Variants in ADAM32 observed in about 807,000 individuals in gnomAD.
ADAM32 encodes the protein ADAM metallopeptidase domain 32, also known as disintegrin and metalloproteinase domain-containing protein 32.
A neutral mutation model predicts 114.9 loss-of-function variants in ADAM32; 89 were observed. That is an observed-to-expected ratio of 0.77 (90% confidence interval 0.65 to 0.92). ADAM32 has a LOEUF of 0.92. ADAM32 is among the 40% of genes least tolerant of loss of function. The pLI is 0.00. For missense variants in ADAM32, 870 were observed against 932.8 expected (o/e 0.93, Z 0.88); for synonymous variants, 285 against 307.5 (o/e 0.93, Z 0.77).
At chr8:39,178,327 C>A (rs1013992051) in intron 10 of ADAM32, among the ~76,000 whole-genome samples, 15 of 152,126 alleles carry the variant, frequency 9.9e-5, no homozygotes, top group African/African-American at 3.6e-4. Context: ...CTTGTGATTG[C>A]ATTGTGAATT....
intron 6 of ADAM32, among the ~76,000 whole-genome samples, chr8:39,152,847 G>A (rs1381393776): frequency 6.6e-6 from 1 of 152,136 alleles, no homozygotes; most frequent in Non-Finnish European, 1.5e-5. Context: ...GTAGGGCCAT[G>A]TGACAAAATT....
At chr8:39,277,318 G>C (rs902896676) in intron 22 of ADAM32, among the ~76,000 whole-genome samples, 1 of 152,224 alleles carries the variant, frequency 6.6e-6, no homozygotes, top group African/African-American at 2.4e-5. Context: ...CCGTGCACCA[G>C]GGAATCATTT....
chr8:39,246,804 T>C lies in ADAM32; in HGVS notation c.1902+638T>C, dbSNP rs117885898. On this transcript the variant is annotated intron_variant, in intron 17 of 24. Transcript: ENST00000379907. The stretch of plus-strand genomic sequence containing the variant: ...TAATGATATAGATCCATCATTATGA[T>C]ATACAGAGAGTATTTTCATTACTCT... Among the ~76,000 whole-genome samples the C allele has an allele frequency of 1.1e-4, 17 of 152,304 alleles. No homozygotes were observed. In the East Asian group the frequency reaches 3.3e-3, roughly 29 times the overall value.
chr8:39,275,821 C>A lies in ADAM32; in HGVS notation c.2241-7C>A, dbSNP rs895912042. On this transcript the variant is annotated splice_region_variant and splice_polypyrimidine_tract_variant and intron_variant, in intron 21 of 24. Transcript: ENST00000379907. ...CGTGGAAGCATTACTTTTTCGCTTT[C>A]TTTTAGAACCAGATCAGAAAGCAGC... 14 of 1,553,958 alleles carry A rather than the reference C, an allele frequency of 9.0e-6. No individual in the cohort carries two copies. In the Admixed American group the frequency reaches 1.2e-4, roughly 13 times the overall value.
intron 13 of ADAM32, among the ~76,000 whole-genome samples, chr8:39,222,681 A>G (rs1809056644): frequency 6.6e-6 from 1 of 152,144 alleles, no homozygotes; most frequent in South Asian, 2.1e-4. Flanking sequence ...CATGGCTTGA[A>G]AAAGTATATT....
intron 10 of ADAM32, among the ~76,000 whole-genome samples, chr8:39,177,304 G>A (rs1191036578): frequency 6.6e-6 from 1 of 152,070 alleles, no homozygotes. Flanking sequence ...CAAGTGACCT[G>A]CCCACCTTGG....
rs150379371 is a variant in ADAM32, at chr8:39,281,073, C to T, written c.2280-63C>T. 84 of 824,912 alleles carry T rather than the reference C, an allele frequency of 1.0e-4. 1 individual carries two copies. The highest frequency in any genetic ancestry group is 5.5e-4 in the East Asian group (11 of 19,956). The allele number at this position is 824,912 out of a possible 1,614,324, so 51.1% of individuals were successfully genotyped here. ...CTGGGATTACAGGCATGAGCCACCGCGCCTGGCCAATTTATTTTTAATAAT... is the reference window on the plus strand; with the variant it reads ...CTGGGATTACAGGCATGAGCCACCGTGCCTGGCCAATTTATTTTTAATAAT... On this transcript the variant is annotated intron_variant, in intron 22 of 24. Coordinates refer to ENST00000379907, the MANE Select transcript of ADAM32 (RefSeq NM_145004.7).
intron 19 of ADAM32, among the ~76,000 whole-genome samples, chr8:39,259,152 G>GT (rs749565941): frequency 2.7e-5 from 4 of 150,446 alleles, no homozygotes; most frequent in Non-Finnish European, 4.4e-5. Context: ...TATTTACCAT[G>GT]TTTTTTGTTT....
chr8:39,148,780 C>T (rs1046471769), intron 4 of ADAM32, among the ~76,000 whole-genome samples: 1 of 152,096 alleles, frequency 6.6e-6, no homozygotes, highest in African/African-American at 2.4e-5. Context: ...CATCATAAAG[C>T]AGTGTGTTAA....
intron 1 of ADAM32, among the ~76,000 whole-genome samples, chr8:39,115,532 C>T (rs901724598): frequency 6.6e-6 from 1 of 150,960 alleles, no homozygotes; most frequent in African/African-American, 2.4e-5. Context: ...TGCTTCTTGG[C>T]CACATGTATG....
At chr8:39,247,134 G>A (rs1372941110) in intron 17 of ADAM32, among the ~76,000 whole-genome samples, 2 of 152,038 alleles carry the variant, frequency 1.3e-5, no homozygotes, top group African/African-American at 2.4e-5. Context: ...TCCAAGTTTG[G>A]TAATTACAAA....
At chr8:39,239,164 G>A (rs1298584224) in intron 16 of ADAM32, among the ~76,000 whole-genome samples, 2 of 152,090 alleles carry the variant, frequency 1.3e-5, no homozygotes, top group African/African-American at 4.8e-5. Context: ...TTAAGAGCTG[G>A]GGGCAAAAGC....
At chr8:39,186,629 C>T (rs1806261744) in intron 10 of ADAM32, among the ~76,000 whole-genome samples, 1 of 152,078 alleles carries the variant, frequency 6.6e-6, no homozygotes, top group South Asian at 2.1e-4. Flanking sequence ...TGTAGATTTT[C>T]TTTATCAAAA....
intron 14 of ADAM32, chr8:39,224,020 GTA>G (rs1441055219): frequency 6.6e-6 from 1 of 152,018 alleles, no homozygotes; most frequent in Non-Finnish European, 1.5e-5. Flanking sequence ...GTGTGTTTGT[GTA>G]TATGTATATA....
At position 39,165,018 on chromosome 8, in the gene ADAM32, TTC is replaced by T. The variant is rs1431209972; in HGVS notation, c.667-10_667-9del. ...TATTAATTATGCATGTATTTATCTC[TTC>T]TGTTTTTAGATGTTCACCCAATTTA... On this transcript the variant is annotated splice_polypyrimidine_tract_variant and intron_variant, in intron 8 of 24. Transcript: ENST00000379907. 6.3e-7 allele frequency: 1 copy of T among 1,580,402 alleles called. No homozygotes were observed.
intron 11 of ADAM32, among the ~76,000 whole-genome samples, chr8:39,193,817 T>C (rs141083006): frequency 4.4e-4 from 67 of 152,300 alleles, no homozygotes; most frequent in African/African-American, 1.4e-3. Flanking sequence ...GTGGGACTAG[T>C]ATCATGCCCC....
At chr8:39,178,178 A>G (rs147221141) in intron 10 of ADAM32, among the ~76,000 whole-genome samples, 3 of 152,262 alleles carry the variant, frequency 2.0e-5, no homozygotes, top group African/African-American at 4.8e-5. Flanking sequence ...GTCTTTTAAT[A>G]TAATCCCGTA....
chr8:39,280,060 C>G (rs1324707771), intron 22 of ADAM32, among the ~76,000 whole-genome samples: 1 of 152,146 alleles, frequency 6.6e-6, no homozygotes, highest in Non-Finnish European at 1.5e-5. Flanking sequence ...TTTTCACTTG[C>G]CTGAGAAAAT....
intron 20 of ADAM32, among the ~76,000 whole-genome samples, chr8:39,272,225 A>T (rs1231119244): frequency 6.6e-6 from 1 of 152,182 alleles, no homozygotes; most frequent in Non-Finnish European, 1.5e-5. Context: ...GGTCAATGTA[A>T]TTAGCTCTCC....
Sources: gnomAD v4.1 joint callset for allele counts (sites outside exome capture counted in the v4.1 genomes callset) on GRCh38, gnomAD v4.1.1 for gene constraint, MANE v1.5 for transcripts, NCBI Gene and HGNC (gene_info 2026-07-23, HGNC 2026-07-21) for gene names.